PPFIA2: variants seen among roughly 807,000 people sequenced by gnomAD.
PPFIA2 encodes the protein PPFI scaffold protein A2.
PPFIA2 carries 46 observed loss-of-function variants against 175.5 expected under a neutral mutation model. The observed-to-expected ratio is 0.26, with a 90% CI of 0.21 to 0.34. PPFIA2 has a LOEUF of 0.34. PPFIA2 is among the 10% of genes least tolerant of loss of function. The pLI, the probability that PPFIA2 is intolerant of heterozygous loss-of-function variation, is 1.00. For missense variants in PPFIA2, 1,179 were observed against 1,506.1 expected, an observed-to-expected ratio of 0.78 and a Z score of 3.60; for synonymous variants, 568 against 511.4, an observed-to-expected ratio of 1.11 and a Z score of -1.49.
chr12:81,400,822 A>C (rs2041979913), intron 8 of PPFIA2, among the ~76,000 whole-genome samples: 1 of 152,164 alleles, frequency 6.6e-6, no homozygotes, highest in South Asian at 2.1e-4. Context: ...CCAGCTTGGG[A>C]AGAACCTCAT....
intron 25 of PPFIA2, 152 bp downstream of exon 25, chr12:81,284,089 T>C (rs2137128248): frequency 1.6e-6 from 1 of 627,550 alleles, no homozygotes; most frequent in South Asian, 2.0e-5. Flanking sequence ...GAGAGTGCAG[T>C]AAAAGAAAAC....
intron 4 of PPFIA2, among the ~76,000 whole-genome samples, chr12:81,629,980 A>G (rs893849229): frequency 6.6e-6 from 1 of 152,228 alleles, no homozygotes; most frequent in South Asian, 2.1e-4. Context: ...CAATGCAATC[A>G]CAAAGTTTCT....
intron 22 of PPFIA2, among the ~76,000 whole-genome samples, chr12:81,323,317 A>C (rs746518312): frequency 3.9e-5 from 6 of 152,108 alleles, no homozygotes; most frequent in Non-Finnish European, 5.9e-5. Context: ...AGTCTTGGAA[A>C]CACCATTTTG....
chr12:81,516,305 T>A (rs1028442005), intron 4 of PPFIA2, among the ~76,000 whole-genome samples: 1 of 152,148 alleles, frequency 6.6e-6, no homozygotes, highest in African/African-American at 2.4e-5. Context: ...ATATATAATG[T>A]TCCTGTCTTC....
intron 3 of PPFIA2, among the ~76,000 whole-genome samples, chr12:81,726,424 C>T (rs2080083933): frequency 6.6e-6 from 1 of 151,206 alleles, no homozygotes; most frequent in Non-Finnish European, 1.5e-5. Flanking sequence ...CTTGAAACAA[C>T]CCTTTATACT....
chr12:81,439,563 A>T (rs1281886704), intron 7 of PPFIA2, among the ~76,000 whole-genome samples: 2 of 152,154 alleles, frequency 1.3e-5, no homozygotes, highest in South Asian at 2.1e-4. Context: ...GTGCTTTTAG[A>T]AGATAAGAAT....
At chr12:81,521,970 T>C (rs2063210292) in intron 4 of PPFIA2, among the ~76,000 whole-genome samples, 1 of 152,220 alleles carries the variant, frequency 6.6e-6, no homozygotes, top group Non-Finnish European at 1.5e-5. Context: ...AATTGTTCTT[T>C]TTCCAACCAA....
Position 81,353,105 on chromosome 12 carries a change from C to T in PPFIA2, c.1994+14G>A, listed in dbSNP as rs370149112. ...TTCTAATTTCTTGAAATCATCAGTA[C>T]TAATTGAAGTTACCTGATTTCTTTG... On this transcript the variant is annotated intron_variant, in intron 17 of 32. Transcript: ENST00000549396. The T allele has an allele frequency of 3.7e-6, 6 of 1,606,430 alleles. No individual in the cohort carries two copies. Among genetic ancestry groups the T allele is most frequent in the Non-Finnish European group, 5.1e-6 (6 of 1,173,340 alleles).
chr12:81,295,088 A>C (rs1317184352), intron 23 of PPFIA2, 53 bp from the exon 24 acceptor site: 7 of 1,483,726 alleles, frequency 4.7e-6, no homozygotes, highest in Non-Finnish European at 6.5e-6. Flanking sequence ...TTATCATTTT[A>C]GTGTCTCATA....
At chr12:81,678,174 G>T (rs1477725481) in intron 3 of PPFIA2, among the ~76,000 whole-genome samples, 1 of 151,718 alleles carries the variant, frequency 6.6e-6, no homozygotes, top group East Asian at 1.9e-4. Flanking sequence ...GGGATGAAGA[G>T]GGGGGAATAT....
At chr12:81,291,455 C>T (rs185182982) in intron 24 of PPFIA2, among the ~76,000 whole-genome samples, 107 of 152,020 alleles carry the variant, frequency 7.0e-4, no homozygotes, top group African/African-American at 2.5e-3. Context: ...AGTAGAGTTT[C>T]CCTTTCTGAT....
At chr12:81,503,038 C>G (rs1471464418) in intron 4 of PPFIA2, among the ~76,000 whole-genome samples, 1 of 152,014 alleles carries the variant, frequency 6.6e-6, no homozygotes, top group Non-Finnish European at 1.5e-5. Context: ...CAGACAAAAA[C>G]TCTCCACTTC....
At chr12:81,494,160 T>C (rs1329807384) in intron 4 of PPFIA2, among the ~76,000 whole-genome samples, 2 of 151,774 alleles carry the variant, frequency 1.3e-5, no homozygotes, top group South Asian at 2.1e-4. Context: ...ACAGGCAACC[T>C]ACAAAATGGG....
In PPFIA2 at chr12:81,590,674, C is replaced by T. The variant is rs138735587; in HGVS notation, c.303+86117G>A. Among the ~76,000 whole-genome samples the T allele has an allele frequency of 2.9e-3, 448 of 151,998 alleles. 3 individuals are homozygous for T. The highest frequency in any genetic ancestry group is 0.01 in the African/African-American group (422 of 41,468). On this transcript the variant is annotated intron_variant, in intron 4 of 32. Coordinates refer to ENST00000549396, the MANE Select transcript of PPFIA2 (RefSeq NM_003625.5). The stretch of plus-strand genomic sequence containing the variant: ...TTCTCATGATAGTGAATGAGTCTCA[C>T]GAGATCTGATGGTTTTAAAAATGGG...
At chr12:81,473,404 A>C (rs1204919734) in intron 4 of PPFIA2, among the ~76,000 whole-genome samples, 1 of 152,152 alleles carries the variant, frequency 6.6e-6, no homozygotes, top group Middle Eastern at 3.2e-3. Flanking sequence ...GTGAGACTCC[A>C]CCTCAAACAA....
At position 81,677,211 on chromosome 12, in the gene PPFIA2, ATTT is replaced by A. The variant is rs201413128; in HGVS notation, c.250-370_250-368del. Among the ~76,000 whole-genome samples the A allele has an allele frequency of 9.2e-5, 14 of 151,498 alleles. No individual in the cohort carries two copies. The East Asian group carries it at 2.3e-3, about 25-fold the overall frequency. On this transcript the variant is annotated intron_variant, in intron 3 of 32. Transcript: ENST00000549396. ...AAAATGTTTAACCTAAAAATATTTA[ATTT>A]TTTTTTATTTTTTATGAATACATAA...
rs1372255677 is a variant in PPFIA2 at position 81,258,573 on chromosome 12, T to C, written c.*1121A>G. 6.6e-6 allele frequency: 1 copy of C among 152,158 alleles called. No homozygotes were observed. Among genetic ancestry groups the C allele is most frequent in the Non-Finnish European group, 1.5e-5 (1 of 68,016 alleles). 9.4% of individuals were successfully genotyped at this position (152,158 alleles called of 1,614,324 possible). A position where few individuals can be genotyped will look rare whatever the true frequency, so the allele number is the denominator to read the frequency against. ...CAGGGAAGAGATTACTCTTCTATAC[T>C]TTTATACACTATATATGTTAATCAT... On this transcript the variant is annotated 3_prime_UTR_variant, in exon 33 of 33. Transcript: ENST00000549396.
chr12:81,360,372 G>A (rs991564433), intron 15 of PPFIA2, among the ~76,000 whole-genome samples: 2 of 151,828 alleles, frequency 1.3e-5, no homozygotes, highest in Non-Finnish European at 2.9e-5. Flanking sequence ...ACTCTTGCAT[G>A]TAATCTCATT....
At chr12:81,632,102 C>T (rs898304418) in intron 4 of PPFIA2, among the ~76,000 whole-genome samples, 1 of 152,020 alleles carries the variant, frequency 6.6e-6, no homozygotes, top group Non-Finnish European at 1.5e-5. Flanking sequence ...CAAAATACAA[C>T]TTTAGAAAAT....
Sources: gnomAD v4.1 joint callset for allele counts (sites outside exome capture counted in the v4.1 genomes callset) on GRCh38, gnomAD v4.1.1 for gene constraint, MANE v1.5 for transcripts, NCBI Gene and HGNC (gene_info 2026-07-23, HGNC 2026-07-21) for gene names.